The following LMX1A variants were observed in gnomAD, a reference collection of about 807,000 sequenced individuals.
LMX1A encodes LIM homeobox transcription factor 1-alpha.
In LMX1A, 15 loss-of-function variants were observed where a neutral mutation model predicts 49.1. That is an observed-to-expected ratio of 0.31 (90% confidence interval 0.20 to 0.47). The LOEUF is 0.47. Ranked by LOEUF, LMX1A falls within the 20% of genes least tolerant of loss-of-function variation. LMX1A has a pLI of 1.00. For synonymous variants in LMX1A, 167 were observed against 185.7 expected, an observed-to-expected ratio of 0.90 and a Z score of 0.82; for missense variants, 372 against 475.8, an observed-to-expected ratio of 0.78 and a Z score of 2.03.
chr1:165,204,905 G>A (rs1324295709), intron 8 of LMX1A, among the ~76,000 whole-genome samples: 1 of 152,168 alleles, frequency 6.6e-6, no homozygotes, highest in Non-Finnish European at 1.5e-5. Context: ...AATGAGTGGG[G>A]TCAGCCAGTG....
intron 3 of LMX1A, among the ~76,000 whole-genome samples, chr1:165,301,304 G>A (rs1346251271): frequency 6.6e-6 from 1 of 152,094 alleles, no homozygotes; most frequent in Non-Finnish European, 1.5e-5. Flanking sequence ...TGATTGCAGA[G>A]CCCCCCATCG....
At chr1:165,278,763 A>C (rs1223295198) in intron 3 of LMX1A, among the ~76,000 whole-genome samples, 3 of 152,210 alleles carry the variant, frequency 2.0e-5, no homozygotes, top group Admixed American at 6.5e-5. Flanking sequence ...GCACAACAAA[A>C]GCCTGCTTCT....
intron 7 of LMX1A, among the ~76,000 whole-genome samples, chr1:165,206,756 T>G (rs1048940145): frequency 8.5e-5 from 13 of 152,106 alleles, no homozygotes. Flanking sequence ...ATAAAGAGCC[T>G]TAGGGGTGGA....
At chr1:165,292,392 G>A (rs533408679) in intron 3 of LMX1A, among the ~76,000 whole-genome samples, 9 of 152,296 alleles carry the variant, frequency 5.9e-5, no homozygotes, top group Middle Eastern at 3.4e-3. Context: ...GCAAAGCTCC[G>A]GAAAGTGAGT....
chr1:165,327,149 G>A (rs1298318870), intron 3 of LMX1A, among the ~76,000 whole-genome samples: 6 of 152,298 alleles, frequency 3.9e-5, no homozygotes, highest in Non-Finnish European at 8.8e-5. Flanking sequence ...GACGCCAGCT[G>A]AAACTGGGAG....
At chr1:165,301,107 G>A (rs1654761303) in intron 3 of LMX1A, among the ~76,000 whole-genome samples, 1 of 152,164 alleles carries the variant, frequency 6.6e-6, no homozygotes. Flanking sequence ...CTCAGGACCG[G>A]CTTAACACAA....
At chr1:165,286,469 T>G (rs1220713051) in intron 3 of LMX1A, among the ~76,000 whole-genome samples, 1 of 152,060 alleles carries the variant, frequency 6.6e-6, no homozygotes, top group African/African-American at 2.4e-5. Context: ...AGACCACAGG[T>G]TTCAGAACCA....
chr1:165,213,895 G>A (rs1651534307), intron 4 of LMX1A, 82 bp from the exon 5 acceptor site: 4 of 1,239,974 alleles, frequency 3.2e-6, no homozygotes, highest in Admixed American at 2.1e-5. Flanking sequence ...AAGGCCTCCA[G>A]GTCCACATTT....
rs767353480 is a variant in LMX1A, at chr1:165,208,080, G to C, written c.800C>G (p.Thr267Ser). 10 of 1,613,874 alleles carry C rather than the reference G, an allele frequency of 6.2e-6. No individual in the cohort carries two copies. The African/African-American group carries it at 1.2e-4, about 19-fold the overall frequency. The change falls in exon 7 of 9, where the codon ACC becomes AGC. Residue 267 changes from threonine (T) to serine (S), a missense_variant. Thr to Ser is a moderately conservative substitution (Grantham distance 58, BLOSUM62 1). Coordinates refer to ENST00000342310, the MANE Select transcript of LMX1A (RefSeq NM_177398.4). ...CAGCTTACCAGAGCTCAGCCTCTGG[G>C]TGTTCTGCTGATCTTGCTGCTGCTG... ...QQQQQQDQQN[T>S]QRLSSAQTNG...
At chr1:165,317,021 T>C (rs1410921476) in intron 3 of LMX1A, among the ~76,000 whole-genome samples, 1 of 152,228 alleles carries the variant, frequency 6.6e-6, no homozygotes, top group Non-Finnish European at 1.5e-5. Flanking sequence ...CTGATACTTG[T>C]AAATGGCTTG....
At chr1:165,316,059 G>A (rs547288108) in intron 3 of LMX1A, among the ~76,000 whole-genome samples, 65 of 152,318 alleles carry the variant, frequency 4.3e-4, no homozygotes, top group African/African-American at 1.2e-3. Flanking sequence ...GGTGATGGGT[G>A]CATAGACACC....
chr1:165,222,067 G>A (rs1651871972), intron 4 of LMX1A, among the ~76,000 whole-genome samples: 1 of 152,054 alleles, frequency 6.6e-6, no homozygotes, highest in Non-Finnish European at 1.5e-5. Flanking sequence ...ATAAGCACAG[G>A]TGTATACTGC....
At position 165,356,646 on chromosome 1, in the gene LMX1A, G is replaced by C. The variant is rs1394350868; in HGVS notation, c.-314C>G. 2 of 153,538 alleles carry C rather than the reference G, an allele frequency of 1.3e-5. No individual in the cohort carries two copies. The highest frequency in any genetic ancestry group is 1.5e-5 in the Non-Finnish European group (1 of 68,786). 9.5% of individuals were successfully genotyped at this position (153,538 alleles called of 1,614,324 possible). A position where few individuals can be genotyped will look rare whatever the true frequency, so the allele number is the denominator to read the frequency against. On this transcript the variant is annotated 5_prime_UTR_variant, in exon 1 of 9. Transcript: ENST00000342310. ...GCCAGTTGCTTCTCCAAGGCTAGGA[G>C]GGAAGGCAGAGGCCCAGGGTCCTGG...
chr1:165,277,399 G>C (rs1654002442), intron 3 of LMX1A, among the ~76,000 whole-genome samples: 1 of 152,216 alleles, frequency 6.6e-6, no homozygotes, highest in Non-Finnish European at 1.5e-5. Flanking sequence ...CCCCCCTTGG[G>C]AAGGGGAATT....
chr1:165,259,615 C>A lies in LMX1A; in HGVS notation c.264-9975G>T, dbSNP rs1465042455. On this transcript the variant is annotated intron_variant, in intron 3 of 8. Transcript: ENST00000342310. ...TCCTGTCCACCAAGAGAGCAGTCAA[C>A]CTCTCTCCTCATATTACAAATGGAA... 3.9e-5 allele frequency among the ~76,000 whole-genome samples: 6 copies of A among 152,252 alleles called. No individual in the cohort carries two copies. The East Asian group carries it at 1.2e-3, about 29-fold the overall frequency.
At chr1:165,245,711 C>G (rs1303954453) in intron 4 of LMX1A, among the ~76,000 whole-genome samples, 1 of 151,844 alleles carries the variant, frequency 6.6e-6, no homozygotes, top group Non-Finnish European at 1.5e-5. Context: ...CTTTTTGGCT[C>G]CTATTGGATT....
At chr1:165,234,413 A>G (rs940071754) in intron 4 of LMX1A, among the ~76,000 whole-genome samples, 1 of 152,220 alleles carries the variant, frequency 6.6e-6, no homozygotes. Flanking sequence ...TGATTGCGCC[A>G]GACTCTATGA....
chr1:165,236,921 G>T (rs1435614664), intron 4 of LMX1A, among the ~76,000 whole-genome samples: 1 of 150,568 alleles, frequency 6.6e-6, no homozygotes, highest in Non-Finnish European at 1.5e-5. Flanking sequence ...GGTAACTCAA[G>T]AATATAATAT....
At position 165,347,437 on chromosome 1, in the gene LMX1A, A is replaced by C. The variant is rs1225049862; in HGVS notation, c.263+5639T>G. Among the ~76,000 whole-genome samples, 3 of 152,254 alleles carry C rather than the reference A, an allele frequency of 2.0e-5. No individual in the cohort carries two copies. In the East Asian group the frequency reaches 5.8e-4, roughly 29 times the overall value. ...TAGGAGCCTTTCTGCTTCTATGCAG[A>C]GGGTGGGAGAGACACACCTCACCCC... On this transcript the variant is annotated intron_variant, in intron 3 of 8. Transcript: ENST00000342310.
Sources: allele counts gnomAD v4.1 joint callset (sites outside exome capture counted in the v4.1 genomes callset), GRCh38; gene constraint gnomAD v4.1.1; transcripts MANE v1.5; gene names NCBI Gene and HGNC (gene_info 2026-07-23, HGNC 2026-07-21).